DHX35: variants seen among roughly 807,000 people sequenced by gnomAD.
DHX35 encodes the protein probable ATP-dependent RNA helicase DHX35.
DHX35 carries 84 observed loss-of-function variants against 99.6 expected under a neutral mutation model. The ratio of observed to expected loss-of-function variants is 0.84; its 90% CI spans 0.71 to 1.01. The LOEUF is 1.01. Among genes scored for constraint, DHX35 ranks in the 50% least tolerant of loss-of-function variants. DHX35 has a pLI of 0.00. For missense variants in DHX35, 852 were observed against 888.5 expected (o/e 0.96, Z 0.52); for synonymous variants, 331 against 316.2 (o/e 1.05, Z -0.50).
At chr20:39,003,376 CT>C (rs1799612290) in intron 10 of DHX35, among the ~76,000 whole-genome samples, 1 of 152,208 alleles carries the variant, frequency 6.6e-6, no homozygotes, top group South Asian at 2.1e-4. Context: ...GTTCAGTAAT[CT>C]TTTTTGGAGA....
chr20:39,023,618 G>T, intron 16 of DHX35, 72 bp from the exon 17 acceptor site: 1 of 1,448,780 alleles, frequency 6.9e-7, no homozygotes, highest in African/African-American at 1.4e-5. Context: ...CTCACCAAAT[G>T]CTGGGATTAT....
chr20:38,968,461 A>G (rs1355697937), intron 1 of DHX35, among the ~76,000 whole-genome samples: 2 of 152,224 alleles, frequency 1.3e-5, no homozygotes, highest in Middle Eastern at 3.2e-3. Flanking sequence ...TAACATGGAC[A>G]TGGAGGCCAG....
chr20:39,006,452 A>G, intron 12 of DHX35, 96 bp downstream of exon 12: 1 of 1,348,250 alleles, frequency 7.4e-7, no homozygotes, highest in South Asian at 1.3e-5. Context: ...AGAACTTAAC[A>G]TAAAATACAG....
chr20:38,982,758 CTT>C (rs2095769592), intron 3 of DHX35, among the ~76,000 whole-genome samples: 1 of 152,046 alleles, frequency 6.6e-6, no homozygotes, highest in African/African-American at 2.4e-5. Flanking sequence ...CTTTTAAAAT[CTT>C]TTTTCTATTG....
chr20:38,989,247 G>A (rs1226025254), intron 5 of DHX35, among the ~76,000 whole-genome samples: 21 of 147,700 alleles, frequency 1.4e-4, no homozygotes, highest in African/African-American at 4.5e-4. Flanking sequence ...ACAGGCGACC[G>A]TCACCACACC....
intron 13 of DHX35, among the ~76,000 whole-genome samples, chr20:39,014,635 A>AGG (rs1568749283): frequency 6.6e-6 from 1 of 152,066 alleles, no homozygotes; most frequent in Non-Finnish European, 1.5e-5. Flanking sequence ...GATGGAGGGG[A>AGG]GGATGAGGGA....
intron 14 of DHX35, 53 bp from the exon 15 acceptor site, chr20:39,018,751 C>T: frequency 1.9e-6 from 3 of 1,545,776 alleles, no homozygotes; most frequent in Non-Finnish European, 2.7e-6. Flanking sequence ...AACTGTGTGC[C>T]TTCCAACACA....
At chr20:39,017,081 G>A (rs551713314) in intron 14 of DHX35, among the ~76,000 whole-genome samples, 6 of 151,960 alleles carry the variant, frequency 3.9e-5, no homozygotes, top group East Asian at 3.9e-4. Context: ...CTTTTGTTAC[G>A]TGTGCCCTTG....
intron 19 of DHX35, 195 bp from the exon 20 acceptor site, chr20:39,030,509 G>A (rs1054893175): frequency 1.4e-5 from 8 of 560,972 alleles, no homozygotes; most frequent in African/African-American, 7.6e-5. Flanking sequence ...CTTTTTCCAC[G>A]TGATTTATTC....
chr20:39,014,902 T>C lies in DHX35; in HGVS notation c.1370T>C (p.Val457Ala), dbSNP rs761395298. ...CAGCCCCCTCCAGCACAGTCGATGGTTCAAGCCTTGGAGTTACTGTATGCT... is the reference window on the plus strand; with the variant it reads ...CAGCCCCCTCCAGCACAGTCGATGGCTCAAGCCTTGGAGTTACTGTATGCT... ...FMSPPPAQSM[V>A]QALELLYALG... Residue 457 changes from valine (V) to alanine (A), a missense_variant, in exon 14 of 22, where the codon GTT (valine) becomes GCT (alanine). By Grantham distance (64) the Val-to-Ala change is moderately conservative. Coordinates refer to ENST00000252011, the MANE Select transcript of DHX35 (RefSeq NM_021931.4). 1 of 1,614,154 alleles carries C rather than the reference T, an allele frequency of 6.2e-7. No homozygotes were observed. The highest frequency in any genetic ancestry group is 1.1e-5 in the South Asian group (1 of 91,076).
intron 11 of DHX35, 27 bp from the exon 12 acceptor site, chr20:39,006,119 T>G (rs911868828): frequency 6.2e-7 from 1 of 1,600,766 alleles, no homozygotes; most frequent in African/African-American, 1.3e-5. Context: ...AAAATGAGTT[T>G]TATTCTTCTT....
chr20:38,988,961 G>T, intron 5 of DHX35, 44 bp downstream of exon 5: 2 of 1,597,940 alleles, frequency 1.3e-6, no homozygotes, highest in Non-Finnish European at 1.7e-6. Context: ...TAAGGAAGAA[G>T]GTTATTTTGG....
chr20:38,997,105 G>A (rs1488274690), intron 8 of DHX35, among the ~76,000 whole-genome samples: 1 of 151,222 alleles, frequency 6.6e-6, no homozygotes, highest in Admixed American at 6.6e-5. Flanking sequence ...AAGTCTCACT[G>A]TCTTGCCCAG....
chr20:39,034,017 A>G (rs898267750), intron 20 of DHX35, among the ~76,000 whole-genome samples, 189 bp from the exon 21 acceptor site: 1 of 152,244 alleles, frequency 6.6e-6, no homozygotes, highest in African/African-American at 2.4e-5. Flanking sequence ...CATCTGAAAA[A>G]TGGACACACC....
chr20:39,017,567 G>A (rs750915257), intron 14 of DHX35, among the ~76,000 whole-genome samples: 8 of 151,248 alleles, frequency 5.3e-5, no homozygotes, highest in Non-Finnish European at 7.4e-5. Context: ...GCCTCCCCCC[G>A]CCAGCTTCAT....
At chr20:38,981,959 A>G (rs2086180789) in intron 3 of DHX35, among the ~76,000 whole-genome samples, 1 of 152,082 alleles carries the variant, frequency 6.6e-6, no homozygotes, top group South Asian at 2.1e-4. Context: ...AAAAAAAAAA[A>G]AAAAGAAATC....
At chr20:39,022,292 A>G (rs1402284561) in intron 16 of DHX35, among the ~76,000 whole-genome samples, 1 of 152,024 alleles carries the variant, frequency 6.6e-6, no homozygotes, top group Non-Finnish European at 1.5e-5. Flanking sequence ...CCATGTAGCT[A>G]GGATTACAAG....
intron 7 of DHX35, among the ~76,000 whole-genome samples, chr20:38,993,979 C>G (rs57679307): frequency 1.3e-5 from 2 of 151,850 alleles, no homozygotes; most frequent in African/African-American, 4.8e-5. Flanking sequence ...GCAGGTGGAC[C>G]GGATTGCTGA....
rs147262764 is a variant in DHX35 at position 39,037,553 on chromosome 20, G to A, written c.2068-946G>A. On this transcript the variant is annotated intron_variant, in intron 21 of 21. Coordinates refer to ENST00000252011, the MANE Select transcript of DHX35 (RefSeq NM_021931.4). The stretch of plus-strand genomic sequence containing the variant: ...AGGGCCTGCAGTTCTCTCTGGGGGC[G>A]ATGCGGCTTGATGTTGTGGGGCCAT... Among the ~76,000 whole-genome samples the A allele has an allele frequency of 1.4e-3, 206 of 152,280 alleles. 1 individual carries two copies. The highest frequency in any genetic ancestry group is 3.7e-3 in the African/African-American group (152 of 41,568).
Sources: allele counts gnomAD v4.1 joint callset (sites outside exome capture counted in the v4.1 genomes callset), GRCh38; gene constraint gnomAD v4.1.1; transcripts MANE v1.5; gene names NCBI Gene and HGNC (gene_info 2026-07-23, HGNC 2026-07-21).